JAG2: variants seen among roughly 807,000 people sequenced by gnomAD.
JAG2 encodes protein jagged-2.
A neutral mutation model predicts 141.7 loss-of-function variants in JAG2; 46 were observed. The observed-to-expected ratio is 0.32, with a 90% CI of 0.26 to 0.42. The LOEUF (loss-of-function observed/expected upper bound fraction) is 0.42, where lower values mean the gene tolerates loss of function less well. Ranked by LOEUF, JAG2 falls within the 10% of genes least tolerant of loss-of-function variation. JAG2 has a pLI of 1.00. For missense variants in JAG2, 1,500 were observed against 1,817.5 expected, an observed-to-expected ratio of 0.83 and a Z score of 3.18; for synonymous variants, 862 against 763.5, an observed-to-expected ratio of 1.13 and a Z score of -2.13.
Position 105,148,644 on chromosome 14 carries a change from G to A in JAG2, c.2020+101C>T, listed in dbSNP as rs1435558056. The A allele has an allele frequency of 7.9e-6, 9 of 1,138,540 alleles. No individual in the cohort carries two copies. The East Asian group carries it at 1.0e-4, about 13-fold the overall frequency. 70.5% of individuals were successfully genotyped at this position (1,138,540 alleles called of 1,614,324 possible). On this transcript the variant is annotated intron_variant, in intron 15 of 25. Transcript: ENST00000331782. The stretch of plus-strand genomic sequence containing the variant: ...GCACCCCCTGGCCAGGCCTTTCTGG[G>A]TACGGGGCCTGCCGCACCCAGACAG...
intron 24 of JAG2, 118 bp downstream of exon 24, chr14:105,144,812 G>C: frequency 7.5e-7 from 1 of 1,336,352 alleles, no homozygotes; most frequent in South Asian, 1.3e-5. Context: ...AGACAGGCCT[G>C]CCCGCAGTCC....
chr14:105,148,526 A>G (rs1413273568), intron 15 of JAG2, 87 bp from the exon 16 acceptor site: 2 of 490,192 alleles, frequency 4.1e-6, no homozygotes, highest in Non-Finnish European at 6.8e-6. Context: ...GAGCTGGGCC[A>G]GGTGAGGACA....
chr14:105,147,081 C>T (rs997584317), intron 20 of JAG2: 3 of 609,618 alleles, frequency 4.9e-6, no homozygotes, highest in Non-Finnish European at 8.8e-6. Flanking sequence ...ACGCTCCAAC[C>T]CCCACAGCTC....
In JAG2 at chr14:105,142,374, G is replaced by C. The variant is rs1044685910; in HGVS notation, c.*321C>G. ...ATAAAAGGAAGATTCTGTAAACAGT[G>C]CACAACCTCTGGTAACAAACGCTAC... is the stretch of plus-strand genomic sequence containing the variant. On this transcript the variant is annotated 3_prime_UTR_variant, in exon 26 of 26. Transcript: ENST00000331782. 3 of 337,802 alleles carry C rather than the reference G, an allele frequency of 8.9e-6. No homozygotes were observed. The East Asian group carries it at 2.4e-4, about 27-fold the overall frequency. 20.9% of individuals were successfully genotyped at this position (337,802 alleles called of 1,614,324 possible). A position where few individuals can be genotyped will look rare whatever the true frequency, so the allele number is the denominator to read the frequency against.
At chr14:105,143,453 C>T in intron 25 of JAG2, 29 bp downstream of exon 25, 1 of 1,540,972 alleles carries the variant, frequency 6.5e-7, no homozygotes, top group Non-Finnish European at 8.7e-7. Flanking sequence ...TGCCTGGTGC[C>T]TTCCCAGGGG....
Position 105,142,641 on chromosome 14 carries a change from G to C in JAG2, c.*54C>G. 7.1e-7 allele frequency: 1 copy of C among 1,401,366 alleles called. No homozygotes were observed. Among genetic ancestry groups the C allele is most frequent in the Admixed American group, 2.1e-5 (1 of 48,658 alleles). The allele number at this position is 1,401,366 out of a possible 1,614,324, so 86.8% of individuals were successfully genotyped here. The stretch of plus-strand genomic sequence containing the variant: ...ATGGCCTCGGCCTCCGGGTCCGGCA[G>C]ACGGCATGGCTCCCACCGAGGGCCC... On this transcript the variant is annotated 3_prime_UTR_variant, in exon 26 of 26. Transcript: ENST00000331782.
chr14:105,168,416 C>T lies in JAG2; in HGVS notation c.5G>A (p.Arg2Gln). ...GGGAAGGCGCCCCCGGCCCTGCGCC[C>T]GCATTGCCCCCGCGACCCGCCCGCC... M[R>Q]AQGRGRLPRR... The change falls in exon 1 of 26, where the codon CGG becomes CAG. Residue 2 changes from arginine (R) to glutamine (Q), a missense_variant. Transcript: ENST00000331782. 1 of 935,184 alleles carries T rather than the reference C, an allele frequency of 1.1e-6. No individual in the cohort carries two copies. 57.9% of individuals were successfully genotyped at this position (935,184 alleles called of 1,614,324 possible).
chr14:105,150,631 G>A lies in JAG2; in HGVS notation c.1575C>T (p.Pro525=), dbSNP rs1888391313. The A allele has an allele frequency of 6.5e-7, 1 of 1,549,518 alleles. No homozygotes were observed. Among genetic ancestry groups the A allele is most frequent in the Non-Finnish European group, 8.7e-7 (1 of 1,146,542 alleles). ...CACAGAGAGGCCCGGAGAAGCCCTG[G>A]GGGCAGTGGCAGTGGAAGCCGTCGG... is the stretch of plus-strand genomic sequence containing the variant. ...DLADGFHCHC[P]QGFSGPLCEV... is the part of the protein sequence containing the mutation. Residue 525 remains proline, a synonymous_variant, in exon 12 of 26, where the codon CCC becomes CCT. Transcript: ENST00000331782.
At chr14:105,165,571 G>C (rs587757450) in intron 2 of JAG2, among the ~76,000 whole-genome samples, 66 of 152,322 alleles carry the variant, frequency 4.3e-4, no homozygotes, top group South Asian at 3.7e-3. Flanking sequence ...ACAGATCCAT[G>C]ACTAATAGCA....
At position 105,147,750 on chromosome 14, in the gene JAG2, C is replaced by G. The variant is rs987110852; in HGVS notation, c.2365+22G>C. 14 of 1,499,404 alleles carry G rather than the reference C, an allele frequency of 9.3e-6. No homozygotes were observed. In the African/African-American group the frequency reaches 9.7e-5, roughly 10 times the overall value. 92.9% of individuals were successfully genotyped at this position (1,499,404 alleles called of 1,614,324 possible). A position where few individuals can be genotyped will look rare whatever the true frequency, so the allele number is the denominator to read the frequency against. Reference sequence around the variant, plus strand: ...TCTGGGTGGAGGAAAGCGGCCCCCGCCCACACCCCTCCCACACTCACTGTG... The same window carrying G: ...TCTGGGTGGAGGAAAGCGGCCCCCGGCCACACCCCTCCCACACTCACTGTG... On this transcript the variant is annotated intron_variant, in intron 18 of 25. Transcript: ENST00000331782.
chr14:105,151,213 C>CGCAGACCCA, intron 9 of JAG2, 70 bp downstream of exon 9: 1 of 1,372,522 alleles, frequency 7.3e-7, no homozygotes, highest in Non-Finnish European at 1.0e-6. Flanking sequence ...CAGCAGCCCC[C>CGCAGACCCA]GCAGCCCCAG....
chr14:105,149,415 A>G, intron 12 of JAG2, 95 bp from the exon 13 acceptor site: 2 of 1,507,972 alleles, frequency 1.3e-6, no homozygotes, highest in Non-Finnish European at 1.8e-6. Context: ...ATCCCTGGGG[A>G]CCCCCAGGCC....
Position 105,143,845 on chromosome 14 carries a change from G to A in JAG2, c.3085-207C>T, listed in dbSNP as rs587725668. Among the ~76,000 whole-genome samples the A allele has an allele frequency of 2.8e-4, 43 of 151,190 alleles. No individual in the cohort carries two copies. The South Asian group carries it at 4.8e-3, about 17-fold the overall frequency. On this transcript the variant is annotated intron_variant, in intron 24 of 25. Transcript: ENST00000331782. ...GGAGGGGTGGAGGCTGTCCCCATCC[G>A]GGCACACAGGAGAGCCCAGGGTCCT...
intron 2 of JAG2, among the ~76,000 whole-genome samples, chr14:105,163,817 G>A (rs1421126436): frequency 1.3e-5 from 2 of 148,530 alleles, no homozygotes; most frequent in African/African-American, 5.0e-5. Flanking sequence ...CAGGCCTGGG[G>A]TCTAGGGACA....
chr14:105,157,812 C>A (rs764297845), intron 2 of JAG2, 49 bp from the exon 3 acceptor site: 1 of 1,507,900 alleles, frequency 6.6e-7, no homozygotes, highest in African/African-American at 1.4e-5. Flanking sequence ...CACCTGCCTG[C>A]CTCGTTCAGG....
chr14:105,152,323 T>C (rs953707530), intron 5 of JAG2, 32 bp from the exon 6 acceptor site: 1 of 1,607,730 alleles, frequency 6.2e-7, no homozygotes, highest in African/African-American at 1.3e-5. Flanking sequence ...CAAGACCCAG[T>C]GAGCTGTGGT....
At chr14:105,164,938 C>T (rs1888864953) in intron 2 of JAG2, among the ~76,000 whole-genome samples, 1 of 152,204 alleles carries the variant, frequency 6.6e-6, no homozygotes, top group East Asian at 1.9e-4. Context: ...AGGCCCACCT[C>T]CTGTATCTAC....
At position 105,154,681 on chromosome 14, in the gene JAG2, G is replaced by A. The variant is rs1048603882; in HGVS notation, c.788+881C>T. The stretch of plus-strand genomic sequence containing the variant: ...TCCTCTCTGCCTTCCCCACTTTCCC[G>A]TCACCGCCTGAATGCCACCCCCCAC... On this transcript the variant is annotated intron_variant, in intron 5 of 25. Coordinates refer to ENST00000331782, the MANE Select transcript of JAG2 (RefSeq NM_002226.5). This position sits in a 1 kb window ranked among gnomAD's most constrained non-coding sequence, Gnocchi z 4.4. Among the ~76,000 whole-genome samples the A allele has an allele frequency of 6.6e-5, 10 of 151,932 alleles. No individual in the cohort carries two copies. Among genetic ancestry groups the A allele is most frequent in the Admixed American group, 5.2e-4 (8 of 15,272 alleles).
chr14:105,155,868 G>A lies in JAG2; in HGVS notation c.597C>T (p.Asp199=), dbSNP rs372506434. 20 of 1,612,300 alleles carry A rather than the reference G, an allele frequency of 1.2e-5. No homozygotes were observed. Among genetic ancestry groups the A allele is most frequent in the East Asian group, 8.9e-5 (4 of 44,864 alleles). The part of the protein sequence containing the change: ...HLELQIRVRC[D]ENYYSATCNK... The stretch of plus-strand genomic sequence containing the variant: ...TGCAAGTGGCGCTGTAGTAGTTCTC[G>A]TCGCAGCGCACGCGGATCTGCAGCT... The change falls in exon 4 of 26, where the codon GAC becomes GAT. Residue 199 remains aspartate, a synonymous_variant. Transcript: ENST00000331782.
Sources: gnomAD v4.1 joint callset for allele counts (sites outside exome capture counted in the v4.1 genomes callset) on GRCh38, gnomAD v4.1.1 for gene constraint, Gnocchi (gnomAD v3.1) non-coding constraint, MANE v1.5 for transcripts, NCBI Gene and HGNC (gene_info 2026-07-23, HGNC 2026-07-21) for gene names.